The following TBC1D19 variants were observed in gnomAD, a reference collection of about 807,000 sequenced individuals.
TBC1D19 encodes the protein TBC1 domain family, member 19.
A neutral mutation model predicts 89.0 loss-of-function variants in TBC1D19; 60 were observed. The observed-to-expected ratio is 0.67, with a 90% CI of 0.55 to 0.84. TBC1D19 has a LOEUF of 0.84. TBC1D19 is among the 40% of genes least tolerant of loss of function. TBC1D19 has a pLI of 0.00. For synonymous variants in TBC1D19, 189 were observed against 199.7 expected (o/e 0.95, Z 0.45); for missense variants, 500 against 610.8 (o/e 0.82, Z 1.91).
At position 26,660,043 on chromosome 4, in the gene TBC1D19, A is replaced by T. The variant is rs182507675; in HGVS notation, c.591+336A>T. ...TTGTGAGTTTTATAAGATTATTTTT[A>T]AAAAAGTACATTTTATTTAATTTCA... On this transcript the variant is annotated intron_variant, in intron 8 of 20. Coordinates refer to ENST00000264866, the MANE Select transcript of TBC1D19 (RefSeq NM_018317.4). 2.4e-3 allele frequency among the ~76,000 whole-genome samples: 366 copies of T among 152,306 alleles called. 5 individuals carry two copies. The highest frequency in any genetic ancestry group is 1.5e-3 in the Non-Finnish European group (99 of 68,020).
At chr4:26,699,221 T>C (rs1165060751) in intron 13 of TBC1D19, among the ~76,000 whole-genome samples, 1 of 152,162 alleles carries the variant, frequency 6.6e-6, no homozygotes, top group Admixed American at 6.5e-5. Context: ...CAGACACTTC[T>C]CAAAAGAAGA....
the TBC1D19 span, among the ~76,000 whole-genome samples, chr4:26,802,258 T>C: frequency 1.3e-5 from 2 of 152,204 alleles, no homozygotes; most frequent in African/African-American, 4.8e-5. Context: ...ACCAGAGTTA[T>C]ATGTGGCCAT....
intron 7 of TBC1D19, among the ~76,000 whole-genome samples, chr4:26,656,270 A>G (rs868728203): frequency 2.6e-5 from 4 of 151,982 alleles, no homozygotes; most frequent in African/African-American, 7.2e-5. Context: ...TAACTACTAT[A>G]CTTTTAAAAT....
intron 13 of TBC1D19, among the ~76,000 whole-genome samples, chr4:26,702,689 A>C (rs901787583): frequency 2.0e-5 from 3 of 152,188 alleles, no homozygotes; most frequent in African/African-American, 7.2e-5. Context: ...TGACTAAATA[A>C]GCCTGTTTTA....
intron 13 of TBC1D19, among the ~76,000 whole-genome samples, chr4:26,717,108 CTTTCTTGTGTCTTG>C (rs1716676728): frequency 6.6e-6 from 1 of 152,124 alleles, no homozygotes; most frequent in African/African-American, 2.4e-5. Flanking sequence ...GCTGTATCCC[CTTTCTTGTGTCTTG>C]GACACAAGGA....
chr4:26,670,926 G>A (rs780660042), intron 9 of TBC1D19, among the ~76,000 whole-genome samples: 3 of 150,522 alleles, frequency 2.0e-5, no homozygotes, highest in Non-Finnish European at 3.0e-5. Flanking sequence ...GTAATCTATT[G>A]TATGAATATG....
At chr4:26,818,200 T>C in the TBC1D19 span, among the ~76,000 whole-genome samples, 1 of 151,944 alleles carries the variant, frequency 6.6e-6, no homozygotes, top group Non-Finnish European at 1.5e-5. Flanking sequence ...GGTGTTGGAA[T>C]TTTTTCTTTC....
At chr4:26,800,422 TG>T in the TBC1D19 span, among the ~76,000 whole-genome samples, 1 of 152,266 alleles carries the variant, frequency 6.6e-6, no homozygotes, top group African/African-American at 2.4e-5. Context: ...ACATTTGGGT[TG>T]GCTCCAAGTC....
intron 1 of TBC1D19, among the ~76,000 whole-genome samples, chr4:26,588,835 A>G (rs1446525232): frequency 2.0e-5 from 3 of 152,212 alleles, no homozygotes; most frequent in African/African-American, 4.8e-5. Flanking sequence ...CTTGAAAAGC[A>G]TGCTTATTCT....
intron 2 of TBC1D19, 99 bp downstream of exon 2, chr4:26,613,340 G>A: frequency 1.4e-6 from 1 of 734,570 alleles, no homozygotes; most frequent in Non-Finnish European, 2.1e-6. Context: ...ACCTTACTTT[G>A]TTGTCGTTCT....
chr4:26,841,203 C>CA, the TBC1D19 span, among the ~76,000 whole-genome samples: 10 of 151,980 alleles, frequency 6.6e-5, no homozygotes, highest in Admixed American at 3.9e-4. Flanking sequence ...ATGGAGAAAC[C>CA]AAAAATACAA....
At chr4:26,842,583 CCTTTCTTTCTTTCTTTCTTT>C in the TBC1D19 span, among the ~76,000 whole-genome samples, 300 of 70,600 alleles carry the variant, frequency 4.2e-3, 3 homozygotes, top group African/African-American at 0.012. Flanking sequence ...TTCCTCCCTC[CCTTTCTTTCTTTCTTTCTTT>C]CTTTCTTTCT....
At chr4:26,702,570 A>T (rs1265794270) in intron 13 of TBC1D19, among the ~76,000 whole-genome samples, 1 of 152,004 alleles carries the variant, frequency 6.6e-6, no homozygotes, top group African/African-American at 2.4e-5. Context: ...TTTAACCTTT[A>T]TTTTCCATTT....
At chr4:26,857,518 T>C in the TBC1D19 span, among the ~76,000 whole-genome samples, 1 of 152,198 alleles carries the variant, frequency 6.6e-6, no homozygotes, top group Admixed American at 6.5e-5. Context: ...CCCTCCCCAC[T>C]GACAGCCCGC....
At chr4:26,673,967 A>T (rs975512705) in intron 11 of TBC1D19, 79 bp downstream of exon 11, 4 of 827,732 alleles carry the variant, frequency 4.8e-6, no homozygotes, top group Non-Finnish European at 5.4e-6. Context: ...AAAATTGAAA[A>T]AACTTTTGTT....
At chr4:26,684,675 T>C (rs966352757) in intron 12 of TBC1D19, among the ~76,000 whole-genome samples, 2 of 152,186 alleles carry the variant, frequency 1.3e-5, no homozygotes, top group African/African-American at 2.4e-5. Flanking sequence ...AAGTCTTAGA[T>C]TTAAAATTTA....
intron 15 of TBC1D19, among the ~76,000 whole-genome samples, chr4:26,734,164 C>G (rs116986634): frequency 6.6e-6 from 1 of 152,136 alleles, no homozygotes; most frequent in African/African-American, 2.4e-5. Flanking sequence ...GTTTGGCTCA[C>G]TATGAGAAAA....
the TBC1D19 span, among the ~76,000 whole-genome samples, chr4:26,848,795 A>T: frequency 7.8e-3 from 1,193 of 152,226 alleles, 15 homozygotes; most frequent in African/African-American, 0.027. Context: ...GCTTTCTTTC[A>T]TCTGTCTAAT....
chr4:26,700,844 T>TGGCCA (rs1553911517), intron 13 of TBC1D19, among the ~76,000 whole-genome samples: 1 of 152,214 alleles, frequency 6.6e-6, no homozygotes, highest in Non-Finnish European at 1.5e-5. Flanking sequence ...TGCTGAATGC[T>TGGCCA]GGCCACCCCT....
Sources: allele counts gnomAD v4.1 joint callset (sites outside exome capture counted in the v4.1 genomes callset), GRCh38; gene constraint gnomAD v4.1.1; transcripts MANE v1.5; gene names NCBI Gene and HGNC (gene_info 2026-07-23, HGNC 2026-07-21).